GCM1: variants seen among roughly 807,000 people sequenced by gnomAD.
The protein encoded by GCM1 is chorion-specific transcription factor GCMa.
In GCM1, 2 loss-of-function variants were observed where a neutral mutation model predicts 25.7. The observed-to-expected ratio is 0.08, with a 90% CI of 0.03 to 0.24. GCM1 has a LOEUF of 0.24. Ranked by LOEUF, GCM1 falls within the 10% of genes least tolerant of loss-of-function variation. The probability of loss-of-function intolerance (pLI) is 1.00; values close to 1 mark genes in which losing one functional copy is unlikely to be tolerated. For missense variants in GCM1, 395 were observed against 538.7 expected, an observed-to-expected ratio of 0.73 and a Z score of 2.64; for synonymous variants, 183 against 195.7, an observed-to-expected ratio of 0.94 and a Z score of 0.54.
At chr6:53,145,818 A>G in intron 1 of GCM1, 50 bp from the exon 2 acceptor site, 1 of 504,806 alleles carries the variant, frequency 2.0e-6, no homozygotes, top group East Asian at 3.5e-5. Flanking sequence ...ATTTAAAAAA[A>G]AACCCCAATG....
At chr6:53,139,785 C>T (rs766141477) in intron 2 of GCM1, among the ~76,000 whole-genome samples, 11 of 152,024 alleles carry the variant, frequency 7.2e-5, no homozygotes, top group African/African-American at 1.9e-4. Flanking sequence ...CGCTTGAACC[C>T]GGGAGGCAGA....
chr6:53,142,000 GAAAAAAAAAAAAAAAAAAAA>G lies in GCM1; in HGVS notation c.75+3538_75+3557del, dbSNP rs59663630. Reference sequence around the variant, plus strand: ...GCTTGGGTAATGAGAGTGAGACCCTGAAAAAAAAAAAAAAAAAAAAAAAAAAAAAAAAAAAAAAAAACAGA... The same window carrying G: ...GCTTGGGTAATGAGAGTGAGACCCTGAAAAAAAAAAAAAAAAAAAAACAGA... On this transcript the variant is annotated intron_variant, in intron 2 of 5. Transcript: ENST00000259803. Among the ~76,000 whole-genome samples, 26 of 12,296 alleles carry G rather than the reference GAAAAAAAAAAAAAAAAAAAA, an allele frequency of 2.1e-3. 1 individual carries two copies. The highest frequency in any genetic ancestry group is 0.031 in the Middle Eastern group (1 of 32). The allele number at this position is 12,296 out of a possible 152,430, so 8.1% of individuals were successfully genotyped here.
intron 2 of GCM1, among the ~76,000 whole-genome samples, chr6:53,144,729 A>G (rs1482095489): frequency 1.3e-5 from 2 of 152,084 alleles, no homozygotes; most frequent in African/African-American, 4.8e-5. Flanking sequence ...AGCCCGGGCA[A>G]CATGGCAAAA....
chr6:53,137,712 T>C (rs1208336930), intron 2 of GCM1, among the ~76,000 whole-genome samples: 1 of 152,112 alleles, frequency 6.6e-6, no homozygotes. Context: ...ATTATTCCAG[T>C]ATAAAACACA....
At chr6:53,132,476 C>T (rs1012546863) in intron 3 of GCM1, among the ~76,000 whole-genome samples, 1 of 152,180 alleles carries the variant, frequency 6.6e-6, no homozygotes, top group Non-Finnish European at 1.5e-5. Flanking sequence ...TTTGGGAGGC[C>T]AAGGCAGGCG....
Position 53,145,775 on chromosome 6 carries a change from A to C in GCM1, c.-136-7T>G. The C allele has an allele frequency of 1.7e-6, 1 of 598,156 alleles. No individual in the cohort carries two copies. Among genetic ancestry groups the C allele is most frequent in the Non-Finnish European group, 3.0e-6 (1 of 338,262 alleles). 37.1% of individuals were successfully genotyped at this position (598,156 alleles called of 1,614,324 possible). On this transcript the variant is annotated splice_polypyrimidine_tract_variant and splice_region_variant and intron_variant, in intron 1 of 5. Transcript: ENST00000259803. ...AGGAGATTGTTTTCTAGGGCTAAAA[A>C]AATAAGTTATATTAGTATTGGCCAT... is the stretch of plus-strand genomic sequence containing the variant.
chr6:53,140,878 T>G (rs866942324), intron 2 of GCM1, among the ~76,000 whole-genome samples: 1 of 152,240 alleles, frequency 6.6e-6, no homozygotes, highest in Non-Finnish European at 1.5e-5. Context: ...TCCAGGACCA[T>G]GTAATCCACA....
At chr6:53,132,345 C>A (rs140793796) in intron 3 of GCM1, among the ~76,000 whole-genome samples, 8 of 152,250 alleles carry the variant, frequency 5.3e-5, no homozygotes, top group South Asian at 4.1e-4. Flanking sequence ...TGGTTGCCTA[C>A]CAAGTAGGAT....
At chr6:53,129,489 G>A (rs905950360) in intron 5 of GCM1, among the ~76,000 whole-genome samples, 1 of 152,170 alleles carries the variant, frequency 6.6e-6, no homozygotes, top group Admixed American at 6.5e-5. Flanking sequence ...GGCCAGGCTG[G>A]TCTCGAACTC....
intron 2 of GCM1, among the ~76,000 whole-genome samples, chr6:53,137,792 T>C (rs561697923): frequency 2.3e-4 from 35 of 152,250 alleles, no homozygotes; most frequent in Admixed American, 1.3e-3. Flanking sequence ...GCTTTAAAGG[T>C]GAGTGGCCAC....
chr6:53,136,997 A>G (rs976420656), intron 2 of GCM1, among the ~76,000 whole-genome samples: 1 of 152,044 alleles, frequency 6.6e-6, no homozygotes, highest in African/African-American at 2.4e-5. Context: ...AAAAGAAAAA[A>G]GAGTCCAAGT....
Position 53,127,166 on chromosome 6 carries a change from T to A in GCM1, c.*1040A>T, listed in dbSNP as rs1389823692. On this transcript the variant is annotated 3_prime_UTR_variant, in exon 6 of 6. Coordinates refer to ENST00000259803, the MANE Select transcript of GCM1 (RefSeq NM_003643.4). ...CCCACATTGATATAGGTGCCACAAA[T>A]AATAAATGGGATAAAACAGAAGCCC... is the stretch of plus-strand genomic sequence containing the variant. 1.3e-5 allele frequency: 2 copies of A among 152,016 alleles called. No individual in the cohort carries two copies. The highest frequency in any genetic ancestry group is 2.4e-5 in the African/African-American group (1 of 41,390). 9.4% of individuals were successfully genotyped at this position (152,016 alleles called of 1,614,324 possible).
intron 1 of GCM1, among the ~76,000 whole-genome samples, chr6:53,147,642 C>T (rs1443017498): frequency 3.3e-5 from 5 of 151,536 alleles, no homozygotes; most frequent in African/African-American, 4.8e-5. Flanking sequence ...TTGACCAGGC[C>T]GGTCTTGAAC....
intron 2 of GCM1, among the ~76,000 whole-genome samples, chr6:53,140,231 G>GT (rs1763855544): frequency 6.6e-6 from 1 of 152,126 alleles, no homozygotes; most frequent in African/African-American, 2.4e-5. Flanking sequence ...CAATGACAAC[G>GT]TGACCTGCTC....
Position 53,127,933 on chromosome 6 carries a change from G to T in GCM1, c.*273C>A, listed in dbSNP as rs761913973. ...AATCCCAGCTACTCGGGAGGCTGAC[G>T]CAGGAGAATCACTCAAACCCGGGAG... On this transcript the variant is annotated 3_prime_UTR_variant, in exon 6 of 6. Transcript: ENST00000259803. 8.7e-6 allele frequency: 2 copies of T among 229,410 alleles called. No individual in the cohort carries two copies. Among genetic ancestry groups the T allele is most frequent in the African/African-American group, 2.4e-5 (1 of 40,832 alleles). 14.2% of individuals were successfully genotyped at this position (229,410 alleles called of 1,614,324 possible).
chr6:53,142,992 C>T (rs1318430899), intron 2 of GCM1, among the ~76,000 whole-genome samples: 1 of 150,436 alleles, frequency 6.6e-6, no homozygotes, highest in African/African-American at 2.4e-5. Context: ...GATATGCTCA[C>T]ACAATATAAA....
In GCM1 at chr6:53,127,396, A is replaced by G. The variant is rs1763655603; in HGVS notation, c.*810T>C. ...TATTTTACACACTAGTCTCACAACT[A>G]GACAACATATTCAGTACTTCAGTGG... On this transcript the variant is annotated 3_prime_UTR_variant, in exon 6 of 6. Coordinates refer to ENST00000259803, the MANE Select transcript of GCM1 (RefSeq NM_003643.4). The G allele has an allele frequency of 6.6e-6, 1 of 152,258 alleles. No homozygotes were observed. The highest frequency in any genetic ancestry group is 1.5e-5 in the Non-Finnish European group (1 of 68,056). 9.4% of individuals were successfully genotyped at this position (152,258 alleles called of 1,614,324 possible).
chr6:53,137,489 T>C (rs1046916503), intron 2 of GCM1, among the ~76,000 whole-genome samples: 3 of 152,156 alleles, frequency 2.0e-5, no homozygotes, highest in Non-Finnish European at 2.9e-5. Context: ...GGTTAAAACA[T>C]TAAAATGTCT....
At chr6:53,148,183 A>G (rs1347332463) in intron 1 of GCM1, among the ~76,000 whole-genome samples, 4 of 152,238 alleles carry the variant, frequency 2.6e-5, no homozygotes, top group Admixed American at 2.6e-4. Context: ...TAACAGGTAT[A>G]GAAGATGCAG....
Sources: allele counts gnomAD v4.1 joint callset (sites outside exome capture counted in the v4.1 genomes callset), GRCh38; gene constraint gnomAD v4.1.1; transcripts MANE v1.5; gene names NCBI Gene and HGNC (gene_info 2026-07-23, HGNC 2026-07-21).